Variants in ZNF362 observed in about 807,000 individuals in gnomAD.
The protein encoded by ZNF362 is rotund homolog.
In ZNF362, 11 loss-of-function variants were observed where a neutral mutation model predicts 42.9. The ratio of observed to expected loss-of-function variants is 0.26; its 90% confidence interval spans 0.16 to 0.42. The LOEUF (loss-of-function observed/expected upper bound fraction) is 0.42. Among genes scored for constraint, ZNF362 ranks in the 20% least tolerant of loss-of-function variants. The probability of loss-of-function intolerance (pLI) is 1.00; values close to 1 mark genes in which losing one functional copy is unlikely to be tolerated. For missense variants in ZNF362, 362 were observed against 576.2 expected (o/e 0.63, Z 3.81); for synonymous variants, 255 against 257.3 (o/e 0.99, Z 0.09).
the ZNF362 span, among the ~76,000 whole-genome samples, chr1:33,193,318 A>G: frequency 1.3e-5 from 2 of 152,324 alleles, no homozygotes; most frequent in South Asian, 2.1e-4. Context: ...GGGGAACCCT[A>G]GCTAAGAAAT....
At chr1:33,233,442 C>T in the ZNF362 span, among the ~76,000 whole-genome samples, 1 of 150,688 alleles carries the variant, frequency 6.6e-6, no homozygotes, top group African/African-American at 2.4e-5. Context: ...CTCGCTCTGT[C>T]GCCCAGGCTG....
the ZNF362 span, among the ~76,000 whole-genome samples, chr1:33,175,155 C>T: frequency 4.0e-5 from 6 of 151,800 alleles, no homozygotes; most frequent in African/African-American, 1.5e-4. Flanking sequence ...TCTCGTGCCT[C>T]AGCCTCCCGA....
upstream of ZNF362, among the ~76,000 whole-genome samples, chr1:33,254,368 G>A (rs528015354): frequency 9.2e-5 from 14 of 152,236 alleles, no homozygotes; most frequent in Admixed American, 6.5e-4. Flanking sequence ...TGATCCTCCC[G>A]CCTCGGCCTC....
At position 33,260,428 on chromosome 1, in the gene ZNF362, T is replaced by A. The variant is rs117852911; in HGVS notation, c.-89+3774T>A. 7.6e-3 allele frequency among the ~76,000 whole-genome samples: 1,153 copies of A among 152,290 alleles called. 51 individuals carry two copies. The highest frequency in any genetic ancestry group is 0.061 in the Admixed American group (933 of 15,288). On this transcript the variant is annotated intron_variant, in intron 1 of 8. Transcript: ENST00000539719. ...ACCAGGACAGCTTTTCCCTGAGTGT[T>A]TACATGGCTGGCACCTTCTTGTTTC...
chr1:33,217,405 T>G, the ZNF362 span, among the ~76,000 whole-genome samples: 1 of 152,166 alleles, frequency 6.6e-6, no homozygotes, highest in African/African-American at 2.4e-5. Flanking sequence ...ACAGAGGGTG[T>G]TAGACCAGCA....
the ZNF362 span, among the ~76,000 whole-genome samples, chr1:33,131,091 A>G: frequency 2.6e-5 from 4 of 152,224 alleles, no homozygotes; most frequent in African/African-American, 9.6e-5. Context: ...AAGCAGACTC[A>G]AGGTTGGTCA....
Position 33,280,036 on chromosome 1 carries a change from C to A in ZNF362, c.350-88C>A. 1 of 1,453,158 alleles carries A rather than the reference C, an allele frequency of 6.9e-7. No homozygotes were observed. Among genetic ancestry groups the A allele is most frequent in the Non-Finnish European group, 9.1e-7 (1 of 1,095,886 alleles). The allele number at this position is 1,453,158 out of a possible 1,614,324, so 90.0% of individuals were successfully genotyped here. A position where few individuals can be genotyped will look rare whatever the true frequency, so the allele number is the denominator to read the frequency against. On this transcript the variant is annotated intron_variant, in intron 4 of 8. Transcript: ENST00000539719. The surrounding 1 kb of genome is among the most constrained non-coding windows in gnomAD (Gnocchi z 5.6). ...AACTTATGAACGTTAAGGGGATGCT[C>A]GCCTGCCAAAATCACATAGCTGGGT...
the ZNF362 span, among the ~76,000 whole-genome samples, chr1:33,207,175 C>A: frequency 6.6e-6 from 1 of 151,666 alleles, no homozygotes. Flanking sequence ...TGTTTAACTC[C>A]CACTTATGAG....
At chr1:33,275,090 A>G (rs2148092523) in intron 2 of ZNF362, 5 of 985,422 alleles carry the variant, frequency 5.1e-6, no homozygotes, top group Non-Finnish European at 6.0e-6. Flanking sequence ...CATTTAAGCA[A>G]TAATACCAGT....
At position 33,280,174 on chromosome 1, in the gene ZNF362, G is replaced by C. The variant is rs767449978; in HGVS notation, c.400G>C (p.Ala134Pro). 6.2e-7 allele frequency: 1 copy of C among 1,610,556 alleles called. No individual in the cohort carries two copies. The highest frequency in any genetic ancestry group is 1.1e-5 in the South Asian group (1 of 90,474). Residue 134 changes from alanine (A) to proline (P), a missense_variant, in exon 5 of 9, where the codon GCG (alanine) becomes CCG (proline). Physicochemically the swap from Ala to Pro is conservative, Grantham distance 27. Coordinates refer to ENST00000539719, the MANE Select transcript of ZNF362 (RefSeq NM_152493.3). This position sits in a 1 kb window ranked among gnomAD's most constrained non-coding sequence, Gnocchi z 5.6. ...TPSVSTSESS[A>P]GAGTGTGTST... is the part of the protein sequence containing the mutation. ...GTCTGTGAGCACTTCTGAGTCAAGCGCGGGCGCGGGCACGGGCACGGGTAC... is the reference window on the plus strand; with the variant it reads ...GTCTGTGAGCACTTCTGAGTCAAGCCCGGGCGCGGGCACGGGCACGGGTAC...
intron 1 of ZNF362, among the ~76,000 whole-genome samples, chr1:33,258,841 C>G (rs1194889356): frequency 6.6e-6 from 1 of 152,280 alleles, no homozygotes; most frequent in East Asian, 1.9e-4. Context: ...TTAAATTGTC[C>G]TAATGGGGAT....
the ZNF362 span, among the ~76,000 whole-genome samples, chr1:33,128,074 C>T: frequency 6.6e-6 from 1 of 151,884 alleles, no homozygotes; most frequent in East Asian, 1.9e-4. Flanking sequence ...ATAAATTTAA[C>T]ATATTTAGGT....
intron 1 of ZNF362, among the ~76,000 whole-genome samples, chr1:33,263,071 C>G (rs1044665691): frequency 3.9e-5 from 6 of 152,248 alleles, no homozygotes; most frequent in Non-Finnish European, 7.3e-5. Flanking sequence ...TCACTCAGGC[C>G]TCCTTGTGCA....
chr1:33,152,539 C>T, the ZNF362 span, among the ~76,000 whole-genome samples: 27 of 149,432 alleles, frequency 1.8e-4, no homozygotes, highest in Non-Finnish European at 3.5e-4. Flanking sequence ...TGCACTCCAG[C>T]CTGGGCAACA....
chr1:33,228,104 C>G, the ZNF362 span, among the ~76,000 whole-genome samples: 1 of 152,126 alleles, frequency 6.6e-6, no homozygotes, highest in South Asian at 2.1e-4. Flanking sequence ...AGCTCATGAC[C>G]TCTACATCCG....
intron 4 of ZNF362, among the ~76,000 whole-genome samples, chr1:33,279,646 C>G (rs201723190): frequency 5.4e-5 from 8 of 147,344 alleles, no homozygotes; most frequent in African/African-American, 1.7e-4. Flanking sequence ...AGTTAAGCCT[C>G]TTTTTTTTTT....
chr1:33,136,134 C>A, the ZNF362 span, among the ~76,000 whole-genome samples: 1 of 144,260 alleles, frequency 6.9e-6, no homozygotes, highest in Admixed American at 6.9e-5. Flanking sequence ...TTCCTTCCTT[C>A]CTTCCTTCCT....
At chr1:33,198,719 A>G in the ZNF362 span, among the ~76,000 whole-genome samples, 37 of 152,320 alleles carry the variant, frequency 2.4e-4, no homozygotes, top group African/African-American at 8.9e-4. Flanking sequence ...CTGACCCAGA[A>G]GTGACACATG....
At chr1:33,194,309 G>C in the ZNF362 span, among the ~76,000 whole-genome samples, 5 of 152,080 alleles carry the variant, frequency 3.3e-5, no homozygotes. Context: ...GCTGAGGCTG[G>C]TGGATTGCTT....
Sources: allele counts gnomAD v4.1 joint callset (sites outside exome capture counted in the v4.1 genomes callset), GRCh38; gene constraint gnomAD v4.1.1; non-coding constraint Gnocchi (gnomAD v3.1); transcripts MANE v1.5; gene names NCBI Gene and HGNC (gene_info 2026-07-23, HGNC 2026-07-21).